TACC2: variants seen among roughly 807,000 people sequenced by gnomAD.
TACC2 encodes transforming acidic coiled-coil containing protein 2.
Under a neutral mutation model 227.3 loss-of-function variants are expected in TACC2, and 137 were observed. That is an observed-to-expected ratio of 0.60 (90% confidence interval 0.52 to 0.69). The LOEUF (loss-of-function observed/expected upper bound fraction) is 0.69, where lower values mean the gene tolerates loss of function less well. TACC2 is among the 30% of genes least tolerant of loss of function. TACC2 has a pLI of 0.00. For synonymous variants in TACC2, 1,523 were observed against 1,487.5 expected, an observed-to-expected ratio of 1.02 and a Z score of -0.55; for missense variants, 3,470 against 3,694.4, an observed-to-expected ratio of 0.94 and a Z score of 1.57.
chr10:122,143,331 C>G (rs2090914915), intron 6 of TACC2, among the ~76,000 whole-genome samples: 2 of 152,148 alleles, frequency 1.3e-5, no homozygotes, highest in African/African-American at 2.4e-5. Context: ...AAACCCGGTT[C>G]TACAGAAGCT....
At chr10:122,041,637 G>C (rs2074283831) in intron 2 of TACC2, among the ~76,000 whole-genome samples, 1 of 152,018 alleles carries the variant, frequency 6.6e-6, no homozygotes, top group South Asian at 2.1e-4. Context: ...AGTGGAGACA[G>C]GGTTTCACCG....
chr10:122,097,032 A>G (rs1420478418), intron 5 of TACC2, among the ~76,000 whole-genome samples: 1 of 152,068 alleles, frequency 6.6e-6, no homozygotes, highest in Non-Finnish European at 1.5e-5. Context: ...TAGGAATAAA[A>G]ACTTGCCTGG....
intron 22 of TACC2, among the ~76,000 whole-genome samples, chr10:122,252,778 C>T (rs1590012259): frequency 6.6e-6 from 1 of 152,200 alleles, no homozygotes; most frequent in East Asian, 1.9e-4. Flanking sequence ...CAGGCGTGAG[C>T]CACCACGCCC....
intron 19 of TACC2, among the ~76,000 whole-genome samples, chr10:122,243,863 G>A (rs2096057716): frequency 6.6e-6 from 1 of 152,184 alleles, no homozygotes; most frequent in African/African-American, 2.4e-5. Flanking sequence ...GCGGGGGAAA[G>A]GGTGTGAGCT....
chr10:122,214,940 G>C lies in TACC2; in HGVS notation c.7284-451G>C, dbSNP rs192205950. On this transcript the variant is annotated intron_variant, in intron 9 of 22. Transcript: ENST00000369005. ...TGAGGACCCCGAACTTTCTATTTCT[G>C]CGTGGCCCCCTTCAGTTGTTCATTA... Among the ~76,000 whole-genome samples the C allele has an allele frequency of 9.2e-5, 14 of 152,192 alleles. No individual in the cohort carries two copies. The East Asian group carries it at 2.7e-3, about 30-fold the overall frequency.
chr10:122,153,997 G>A (rs1449235443), intron 7 of TACC2, among the ~76,000 whole-genome samples: 1 of 152,238 alleles, frequency 6.6e-6, no homozygotes. Flanking sequence ...AGGTCAGGGA[G>A]ACTGGGGACC....
intron 5 of TACC2, among the ~76,000 whole-genome samples, chr10:122,130,983 G>A (rs1364605156): frequency 1.3e-5 from 2 of 152,000 alleles, no homozygotes; most frequent in African/African-American, 4.8e-5. Context: ...CTTCTTAGCA[G>A]TTACTACAGT....
In TACC2 at chr10:122,087,020, G is replaced by A. The variant is rs141796592; in HGVS notation, c.4520G>A (p.Arg1507Gln). The change falls in exon 4 of 23, where the codon CGG becomes CAG. Residue 1507 changes from arginine to glutamine, a missense_variant. Around this residue, in one of 10 missense-constraint regions of TACC2, gnomAD observed 1,924 missense variants for 1,978.3 expected, o/e 0.97. Coordinates refer to ENST00000369005, the MANE Select transcript of TACC2 (RefSeq NM_206862.4). ...GGTCCAGCAGGGCTGACCTGGGAGC[G>A]GAACTTGCCAGGTGCCGGTGTGGGG... is the stretch of plus-strand genomic sequence containing the variant. ...LLGPAGLTWERNLPGAGVGKE... is the reference protein window; with the variant it reads ...LLGPAGLTWEQNLPGAGVGKE... 4.6e-4 allele frequency: 746 copies of A among 1,613,790 alleles called. 3 individuals are homozygous for A. The highest frequency in any genetic ancestry group is 5.9e-4 in the Non-Finnish European group (695 of 1,180,042).
intron 22 of TACC2, among the ~76,000 whole-genome samples, chr10:122,252,716 C>T (rs112298999): frequency 0.012 from 1,895 of 152,262 alleles, 45 homozygotes; most frequent in African/African-American, 0.044. Flanking sequence ...TGGTCTTGAA[C>T]TCCTGACCTC....
At chr10:122,003,464 A>G (rs1954669969) in intron 1 of TACC2, among the ~76,000 whole-genome samples, 2 of 152,046 alleles carry the variant, frequency 1.3e-5, no homozygotes, top group African/African-American at 4.8e-5. Flanking sequence ...ACTCTGATAT[A>G]TATGTAATGT....
chr10:122,232,060 G>C (rs1047865434), intron 16 of TACC2, among the ~76,000 whole-genome samples: 3 of 152,232 alleles, frequency 2.0e-5, no homozygotes, highest in African/African-American at 7.2e-5. Context: ...TGGGTGTGCA[G>C]GCTGGGAACA....
chr10:122,213,335 G>T lies in TACC2; in HGVS notation c.7283+1627G>T. On this transcript the variant is annotated intron_variant, in intron 9 of 22. Coordinates refer to ENST00000369005, the MANE Select transcript of TACC2 (RefSeq NM_206862.4). ...TGTCTCTCTTTTTCTTTGTCTTCTT[G>T]TCTTAGGATGGTTGAAGATGTGATG... 1.2e-6 allele frequency: 2 copies of T among 1,611,350 alleles called. 1 individual carries two copies. Among genetic ancestry groups the T allele is most frequent in the South Asian group, 2.2e-5 (2 of 91,076 alleles).
chr10:122,203,774 G>T lies in TACC2; in HGVS notation c.5972-6623G>T, dbSNP rs1355238424. Among the ~76,000 whole-genome samples, 20 of 152,284 alleles carry T rather than the reference G, an allele frequency of 1.3e-4. No homozygotes were observed. The South Asian group carries it at 3.1e-3, about 24-fold the overall frequency. ...ACGGGGTGGCGGCCGGGCAGAGGCT[G>T]CAATCTCTGCACTTTGGGAGGCCAA... On this transcript the variant is annotated intron_variant, in intron 8 of 22. Coordinates refer to ENST00000369005, the MANE Select transcript of TACC2 (RefSeq NM_206862.4).
intron 5 of TACC2, among the ~76,000 whole-genome samples, chr10:122,111,536 G>T (rs1716122547): frequency 6.6e-6 from 1 of 152,212 alleles, no homozygotes; most frequent in Admixed American, 6.5e-5. Context: ...CTGTCGCCAG[G>T]CTGGAGTGCG....
In TACC2 at chr10:122,150,093, AG is replaced by A. The variant is rs895720019; in HGVS notation, c.5834+6389del. 6.6e-6 allele frequency among the ~76,000 whole-genome samples: 1 copy of A among 152,164 alleles called. No homozygotes were observed. Among genetic ancestry groups the A allele is most frequent in the Non-Finnish European group, 1.5e-5 (1 of 68,024 alleles). On this transcript the variant is annotated intron_variant, in intron 7 of 22. Coordinates refer to ENST00000369005, the MANE Select transcript of TACC2 (RefSeq NM_206862.4). The surrounding 1 kb of genome is among the most constrained non-coding windows in gnomAD (Gnocchi z 4.0). ...GTGGCTCCCTCAGTTCCGTGGGCCC[AG>A]GTCTGCAGTTCTTTTCCTCCTTCTG...
At position 122,085,687 on chromosome 10, in the gene TACC2, C is replaced by T; in HGVS notation, c.3187C>T (p.Leu1063=). 6.2e-7 allele frequency: 1 copy of T among 1,613,736 alleles called. No homozygotes were observed. The highest frequency in any genetic ancestry group is 8.5e-7 in the Non-Finnish European group (1 of 1,180,028). ...LLDAVPCLPA[L]APASPGVTPT... ...GGATGCAGTTCCCTGCCTGCCAGCC[C>T]TGGCGCCCGCCAGCCCCGGAGTCAC... Residue 1063 remains leucine (L), a synonymous_variant, in exon 4 of 23, where the codon CTG becomes TTG. Transcript: ENST00000369005.
chr10:122,015,492 G>T (rs1278101656), intron 1 of TACC2, among the ~76,000 whole-genome samples: 2 of 151,724 alleles, frequency 1.3e-5, no homozygotes, highest in African/African-American at 4.9e-5. Context: ...GTGACAGAGT[G>T]AGACTCCATC....
chr10:121,990,558 C>T (rs1391611555), intron 1 of TACC2, among the ~76,000 whole-genome samples: 1 of 152,098 alleles, frequency 6.6e-6, no homozygotes, highest in Non-Finnish European at 1.5e-5. Flanking sequence ...TACGTTCCCA[C>T]CATTGTTCCT....
At chr10:122,114,499 A>G (rs1016148001) in intron 5 of TACC2, among the ~76,000 whole-genome samples, 1 of 152,236 alleles carries the variant, frequency 6.6e-6, no homozygotes, top group Non-Finnish European at 1.5e-5. Flanking sequence ...TTCTCAGGCC[A>G]GGCGGGAGGG....
Sources: gnomAD v4.1 joint callset for allele counts (sites outside exome capture counted in the v4.1 genomes callset) on GRCh38, gnomAD v4.1.1 for gene constraint, gnomAD v4.1.1 regional missense constraint, Gnocchi (gnomAD v3.1) non-coding constraint, MANE v1.5 for transcripts, NCBI Gene and HGNC (gene_info 2026-07-23, HGNC 2026-07-21) for gene names.